Variants in FXR1 observed in about 807,000 individuals in gnomAD.
FXR1 encodes the protein RNA-binding protein FXR1.
A neutral mutation model predicts 84.0 loss-of-function variants in FXR1; 15 were observed. That is an observed-to-expected ratio of 0.18 (90% CI 0.12 to 0.27). The LOEUF (loss-of-function observed/expected upper bound fraction) is 0.27, where lower values mean the gene tolerates loss of function less well. Among genes scored for constraint, FXR1 ranks in the 10% least tolerant of loss-of-function variants. FXR1 has a pLI of 1.00. For missense variants in FXR1, 480 were observed against 774.4 expected, an observed-to-expected ratio of 0.62 and a Z score of 4.51; for synonymous variants, 245 against 250.7, an observed-to-expected ratio of 0.98 and a Z score of 0.21.
chr3:180,919,276 T>A lies in FXR1; in HGVS notation c.51+6540T>A, dbSNP rs139861337. Among the ~76,000 whole-genome samples the A allele has an allele frequency of 8.3e-5, 12 of 144,008 alleles. No homozygotes were observed. In the East Asian group the frequency reaches 1.6e-3, roughly 19 times the overall value. The allele number at this position is 144,008 out of a possible 152,430, so 94.5% of individuals were successfully genotyped here. The stretch of plus-strand genomic sequence containing the variant: ...ATGTGAAACACCTAAATTTTATTTT[T>A]TTTTTATTTTTGTTTTTTTTTTTTT... On this transcript the variant is annotated intron_variant, in intron 1 of 16. Transcript: ENST00000357559.
Position 180,947,946 on chromosome 3 carries a change from C to T in FXR1, c.270+10C>T. The T allele has an allele frequency of 1.3e-6, 2 of 1,530,158 alleles. No individual in the cohort carries two copies. Among genetic ancestry groups the T allele is most frequent in the Middle Eastern group, 1.7e-4 (1 of 5,876 alleles). The allele number at this position is 1,530,158 out of a possible 1,614,324, so 94.8% of individuals were successfully genotyped here. On this transcript the variant is annotated intron_variant, in intron 4 of 16. Transcript: ENST00000357559. ...GATGATGAAAGGAGAAGTAAGTACTCTTCACACTTGCTTTGTGACTAGTTT... is the reference window on the plus strand; with the variant it reads ...GATGATGAAAGGAGAAGTAAGTACTTTTCACACTTGCTTTGTGACTAGTTT...
Position 180,949,346 on chromosome 3 carries a change from A to G in FXR1, c.630+3A>G. On this transcript the variant is annotated splice_donor_region_variant and intron_variant, in intron 7 of 16. Coordinates refer to ENST00000357559, the MANE Select transcript of FXR1 (RefSeq NM_005087.4). The stretch of plus-strand genomic sequence containing the variant: ...AAGAGGCCACTAAGCATTTAGAAGT[A>G]AGTGGGTTTACTTACAAAAGAGTTT... The G allele has an allele frequency of 7.6e-7, 1 of 1,307,352 alleles. No individual in the cohort carries two copies. The highest frequency in any genetic ancestry group is 1.1e-6 in the Non-Finnish European group (1 of 899,586). The allele number at this position is 1,307,352 out of a possible 1,614,324, so 81.0% of individuals were successfully genotyped here. A position where few individuals can be genotyped will look rare whatever the true frequency, so the allele number is the denominator to read the frequency against.
intron 9 of FXR1, among the ~76,000 whole-genome samples, chr3:180,954,901 TAGTA>T (rs1447043305): frequency 3.4e-5 from 5 of 148,422 alleles, no homozygotes; most frequent in Non-Finnish European, 5.9e-5. Flanking sequence ...TTTTGGTCAT[TAGTA>T]AGTAGTATAT....
At chr3:180,926,506 A>ATATATATTTTTTTTTTTTTT (rs72192827) in intron 1 of FXR1, among the ~76,000 whole-genome samples, 1 of 124,392 alleles carries the variant, frequency 8.0e-6, no homozygotes, top group African/African-American at 2.9e-5. Flanking sequence ...ATATATATAT[A>ATATATATTTTTTTTTTTTTT]TTTTTTTTTC....
At chr3:180,944,963 C>A (rs376405577) in intron 3 of FXR1, among the ~76,000 whole-genome samples, 1 of 152,202 alleles carries the variant, frequency 6.6e-6, no homozygotes, top group Non-Finnish European at 1.5e-5. Context: ...CATAGCAAAT[C>A]TAACTTTTTC....
chr3:180,951,993 T>G (rs916397106), intron 8 of FXR1, among the ~76,000 whole-genome samples: 2 of 152,186 alleles, frequency 1.3e-5, no homozygotes, highest in Admixed American at 1.3e-4. Flanking sequence ...CTTGAGCCTA[T>G]GAGTTTGAAT....
intron 1 of FXR1, among the ~76,000 whole-genome samples, chr3:180,931,947 CCTAGG>C (rs1719965776): frequency 6.0e-5 from 9 of 151,192 alleles, no homozygotes; most frequent in Admixed American, 5.9e-4. Context: ...CACTGTCTTG[CCTAGG>C]ATGGTCTCGA....
At chr3:180,916,389 A>T (rs1717897794) in intron 1 of FXR1, among the ~76,000 whole-genome samples, 1 of 152,056 alleles carries the variant, frequency 6.6e-6, no homozygotes, top group Non-Finnish European at 1.5e-5. Context: ...GCTGAGTATA[A>T]TTTCATTTTA....
At position 180,961,491 on chromosome 3, in the gene FXR1, T is replaced by G. The variant is rs762424601; in HGVS notation, c.1014T>G (p.Val338=). 1.3e-6 allele frequency: 2 copies of G among 1,564,404 alleles called. No homozygotes were observed. The highest frequency in any genetic ancestry group is 2.2e-5 in the East Asian group (1 of 44,632). Residue 338 remains valine (V), a synonymous_variant, in exon 11 of 17, where the codon GTT becomes GTG. Transcript: ENST00000357559. The part of the protein sequence containing the change: ...REDGMVPFVF[V]GTKESIGNVQ... ...AGGGTATGGTTCCATTTGTATTTGTTGGCACTAAAGAAAGCATTGGAAATG... is the reference window on the plus strand; with the variant it reads ...AGGGTATGGTTCCATTTGTATTTGTGGGCACTAAAGAAAGCATTGGAAATG...
Position 180,970,383 on chromosome 3 carries a change from AATATATATATATATATATATATATATAT to A in FXR1, c.1603+37_1603+64del, listed in dbSNP as rs56345724. On this transcript the variant is annotated intron_variant, in intron 15 of 16. Transcript: ENST00000357559. ...GGTATGTAAGCACTTAGGGAAGAGA[AATATATATATATATATATATATATATAT>A]ATATATATATAATTGTAAACTATTG... 65 of 368,192 alleles carry A rather than the reference AATATATATATATATATATATATATATAT, an allele frequency of 1.8e-4. 7 individuals carry two copies. Among genetic ancestry groups the A allele is most frequent in the East Asian group, 1.6e-3 (23 of 14,274 alleles). The allele number at this position is 368,192 out of a possible 1,614,324, so 22.8% of individuals were successfully genotyped here.
At chr3:180,968,418 A>G in intron 14 of FXR1, 164 bp downstream of exon 14, 1 of 591,452 alleles carries the variant, frequency 1.7e-6, no homozygotes, top group South Asian at 2.0e-5. Context: ...AAGCCCTCGT[A>G]GAGTGTTTCT....
intron 10 of FXR1, among the ~76,000 whole-genome samples, chr3:180,958,205 G>T (rs1284810843): frequency 6.6e-6 from 1 of 152,084 alleles, no homozygotes; most frequent in Non-Finnish European, 1.5e-5. Flanking sequence ...CATACGTAGA[G>T]TGTAAAGCTG....
intron 3 of FXR1, among the ~76,000 whole-genome samples, chr3:180,945,941 C>G (rs1721651264): frequency 6.6e-6 from 1 of 152,092 alleles, no homozygotes; most frequent in Non-Finnish European, 1.5e-5. Flanking sequence ...TGAGAACATT[C>G]ATCTAAGATG....
chr3:180,914,038 A>G (rs1487666115), intron 1 of FXR1, among the ~76,000 whole-genome samples: 1 of 152,218 alleles, frequency 6.6e-6, no homozygotes, highest in African/African-American at 2.4e-5. Flanking sequence ...ATGGGGAATC[A>G]CAGCGTATAA....
chr3:180,971,928 G>A (rs1229011363), intron 15 of FXR1: 12 of 152,332 alleles, frequency 7.9e-5, no homozygotes, highest in Admixed American at 7.9e-4. Context: ...TCCAAAACCA[G>A]TTCTTTCATG....
rs563685646 is a variant in FXR1, at chr3:180,974,243, C to T, written c.1604-1070C>T. Among the ~76,000 whole-genome samples the T allele has an allele frequency of 1.1e-3, 160 of 150,884 alleles. 1 individual carries two copies. The highest frequency in any genetic ancestry group is 2.0e-3 in the Non-Finnish European group (134 of 67,910). On this transcript the variant is annotated intron_variant, in intron 15 of 16. Transcript: ENST00000357559. ...GCACAGTCTTGGCTCATTGCACCCT[C>T]CACCTCCCGGGTTCAAGCAATGCTC...
At chr3:180,924,288 AAC>A (rs1483835702) in intron 1 of FXR1, among the ~76,000 whole-genome samples, 2 of 152,114 alleles carry the variant, frequency 1.3e-5, no homozygotes, top group South Asian at 2.1e-4. Flanking sequence ...AAAGCACAGA[AAC>A]ACAGTTTCTC....
At chr3:180,920,160 C>T (rs1038875864) in intron 1 of FXR1, among the ~76,000 whole-genome samples, 2 of 152,146 alleles carry the variant, frequency 1.3e-5, no homozygotes, top group Non-Finnish European at 2.9e-5. Flanking sequence ...TCAGAGGCTC[C>T]TGAATTCCTT....
rs765924518 is a variant in FXR1, at chr3:180,947,847, A to T, written c.199-18A>T. ...TCTTTTGGGATGAATGGATATAGGCATTTTTTTTTCTTCTCAGGTATATTC... is the reference window on the plus strand; with the variant it reads ...TCTTTTGGGATGAATGGATATAGGCTTTTTTTTTTCTTCTCAGGTATATTC... On this transcript the variant is annotated intron_variant, in intron 3 of 16. Coordinates refer to ENST00000357559, the MANE Select transcript of FXR1 (RefSeq NM_005087.4). 2 of 1,493,990 alleles carry T rather than the reference A, an allele frequency of 1.3e-6. No homozygotes were observed. Among genetic ancestry groups the T allele is most frequent in the Non-Finnish European group, 1.8e-6 (2 of 1,087,320 alleles). The allele number at this position is 1,493,990 out of a possible 1,614,324, so 92.5% of individuals were successfully genotyped here.
Sources: allele counts gnomAD v4.1 joint callset (sites outside exome capture counted in the v4.1 genomes callset), GRCh38; gene constraint gnomAD v4.1.1; transcripts MANE v1.5; gene names NCBI Gene and HGNC (gene_info 2026-07-23, HGNC 2026-07-21).